Variants in LMF1 observed in about 807,000 individuals in gnomAD.
LMF1 encodes the protein transmembrane protein 112.
In LMF1, 68 loss-of-function variants were observed where a neutral mutation model predicts 60.6. That is an observed-to-expected ratio of 1.12 (90% CI 0.92 to 1.37). The LOEUF is 1.37. Ranked by LOEUF, LMF1 falls within the 40% of genes most tolerant of loss-of-function variation. The pLI is 0.00. For synonymous variants in LMF1, 418 were observed against 324.7 expected (o/e 1.29, Z -3.09); for missense variants, 948 against 767.2 (o/e 1.24, Z -2.78).
intron 1 of LMF1, chr16:969,025 T>A (rs953523404): frequency 7.2e-5 from 11 of 152,234 alleles, no homozygotes; most frequent in African/African-American, 2.4e-4. Flanking sequence ...TGGGAAGAAC[T>A]ACTTTTTAAA....
intron 10 of LMF1, among the ~76,000 whole-genome samples, chr16:860,836 T>C (rs977844044): frequency 6.6e-6 from 1 of 152,222 alleles, no homozygotes; most frequent in African/African-American, 2.4e-5. Context: ...TGGAATTGCA[T>C]GTCTGTCCCT....
chr16:930,265 A>G (rs190618691), intron 3 of LMF1, among the ~76,000 whole-genome samples: 50 of 107,368 alleles, frequency 4.7e-4, no homozygotes, highest in South Asian at 1.2e-3. Flanking sequence ...CCGTCTGAAC[A>G]GGGGCGCAGG....
At chr16:965,859 T>C (rs1327171599) in intron 1 of LMF1, among the ~76,000 whole-genome samples, 1 of 152,144 alleles carries the variant, frequency 6.6e-6, no homozygotes, top group African/African-American at 2.4e-5. Context: ...GACCACCTGC[T>C]ACGGGTCAGC....
chr16:912,285 C>T (rs1022874177), intron 3 of LMF1, among the ~76,000 whole-genome samples: 5 of 151,986 alleles, frequency 3.3e-5, no homozygotes, highest in Non-Finnish European at 5.9e-5. Flanking sequence ...GGGAAGCGGA[C>T]GGAGGCTTGT....
chr16:880,196 C>T (rs905901539), intron 5 of LMF1, among the ~76,000 whole-genome samples: 9 of 152,106 alleles, frequency 5.9e-5, no homozygotes, highest in Non-Finnish European at 1.0e-4. Context: ...GGGGACGTGC[C>T]GGTTGGGGAC....
At chr16:972,685 C>A (rs922277713), upstream of LMF1, among the ~76,000 whole-genome samples, 1 of 152,228 alleles carries the variant, frequency 6.6e-6, no homozygotes, top group Non-Finnish European at 1.5e-5. Flanking sequence ...CACAAGGAGG[C>A]TTTGTGCACA....
At chr16:888,579 CCA>C (rs2070380166) in intron 5 of LMF1, among the ~76,000 whole-genome samples, 1 of 152,194 alleles carries the variant, frequency 6.6e-6, no homozygotes, top group African/African-American at 2.4e-5. Context: ...TGCGTGACCC[CCA>C]CATTCACAAC....
intron 1 of LMF1, chr16:977,123 T>C (rs1191638262): frequency 4.4e-6 from 2 of 453,748 alleles, no homozygotes; most frequent in African/African-American, 4.0e-5. Context: ...ACTCACTGAG[T>C]GGTTTTCCAC....
intron 10 of LMF1, among the ~76,000 whole-genome samples, chr16:856,883 G>A (rs548908806): frequency 6.6e-6 from 1 of 152,268 alleles, no homozygotes; most frequent in South Asian, 2.1e-4. Context: ...GCTATAGTAG[G>A]GATTGCAGCC....
chr16:929,060 TCAC>T (rs940379260), intron 3 of LMF1, among the ~76,000 whole-genome samples: 9 of 152,020 alleles, frequency 5.9e-5, no homozygotes, highest in African/African-American at 2.2e-4. Flanking sequence ...CCAGAACCCC[TCAC>T]CACGAGTGTC....
In LMF1 at chr16:966,860, A is replaced by C. The variant is rs530293796; in HGVS notation, c.193+3928T>G. Among the ~76,000 whole-genome samples, 3 of 152,260 alleles carry C rather than the reference A, an allele frequency of 2.0e-5. 1 individual carries two copies. In the South Asian group the frequency reaches 6.2e-4, roughly 31 times the overall value. On this transcript the variant is annotated intron_variant, in intron 1 of 10. Coordinates refer to ENST00000262301, the MANE Select transcript of LMF1 (RefSeq NM_022773.4). ...AGCTTCCAGAAAGTTCTCTGCAGTG[A>C]ACTGCTATCAACCCAATTCTGACCA... is the stretch of plus-strand genomic sequence containing the variant.
At chr16:974,899 T>C (rs2073105931), upstream of LMF1, among the ~76,000 whole-genome samples, 1 of 152,206 alleles carries the variant, frequency 6.6e-6, no homozygotes, top group Non-Finnish European at 1.5e-5. Context: ...CAATTTTTCA[T>C]GTCCTGAAGT....
chr16:883,994 C>T (rs748553189), intron 5 of LMF1: 1 of 152,208 alleles, frequency 6.6e-6, no homozygotes, highest in Non-Finnish European at 1.5e-5. Flanking sequence ...ATGGATTTGT[C>T]TATGTCTGCT....
At chr16:980,127 C>T (rs1446892253) in intron 1 of LMF1, 4 of 265,180 alleles carry the variant, frequency 1.5e-5, no homozygotes, top group South Asian at 8.0e-5. Context: ...TTCCTCTGAC[C>T]TGGCTGCAGA....
chr16:861,560 A>G (rs2069467893), intron 10 of LMF1, among the ~76,000 whole-genome samples: 1 of 151,812 alleles, frequency 6.6e-6, no homozygotes, highest in Non-Finnish European at 1.5e-5. Flanking sequence ...GGGTTTCTCT[A>G]TGTTAGGCTG....
chr16:865,010 ATTTC>A lies in LMF1; in HGVS notation c.1529+3930_1529+3933del, dbSNP rs560218094. Among the ~76,000 whole-genome samples, 494 of 151,970 alleles carry A rather than the reference ATTTC, an allele frequency of 3.3e-3. 10 individuals are homozygous for A. Among genetic ancestry groups the A allele is most frequent in the Admixed American group, 7.2e-4 (11 of 15,284 alleles). On this transcript the variant is annotated intron_variant, in intron 10 of 10. Transcript: ENST00000262301. The stretch of plus-strand genomic sequence containing the variant: ...CTTCTTCCCATCTGTTCTGTTTCTG[ATTTC>A]TTTGTTTTTCCCAACCTGCTTTCCT...
rs543484462 is a variant in LMF1 at position 855,710 on chromosome 16, A to C, written c.1530-1004T>G. The C allele has an allele frequency of 4.4e-5, 20 of 456,016 alleles. No homozygotes were observed. In the East Asian group the frequency reaches 1.2e-3, roughly 27 times the overall value. 28.2% of individuals were successfully genotyped at this position (456,016 alleles called of 1,614,324 possible). A position where few individuals can be genotyped will look rare whatever the true frequency, so the allele number is the denominator to read the frequency against. On this transcript the variant is annotated intron_variant, in intron 10 of 10. Transcript: ENST00000262301. ...AGCTGCCCGGTGGGTGTGATGGTGC[A>C]GCCATAACAGGACCCTCTCATGGCC...
intron 2 of LMF1, among the ~76,000 whole-genome samples, chr16:936,319 T>G (rs1268345136): frequency 1.4e-5 from 1 of 69,800 alleles, no homozygotes; most frequent in Non-Finnish European, 2.8e-5. Context: ...CTGAGGAAGG[T>G]GGCTGGGAGA....
intron 10 of LMF1, 43 bp from the exon 11 acceptor site, chr16:854,749 C>A: frequency 6.6e-7 from 1 of 1,523,096 alleles, no homozygotes; most frequent in South Asian, 1.2e-5. Flanking sequence ...CTGGGACTCC[C>A]GGCCCCCGAC....
Sources: gnomAD v4.1 joint callset for allele counts (sites outside exome capture counted in the v4.1 genomes callset) on GRCh38, gnomAD v4.1.1 for gene constraint, MANE v1.5 for transcripts, NCBI Gene and HGNC (gene_info 2026-07-23, HGNC 2026-07-21) for gene names.